CD109: variants seen among roughly 807,000 people sequenced by gnomAD.
CD109 encodes CD109 molecule.
Under a neutral mutation model 165.8 loss-of-function variants are expected in CD109, and 149 were observed. The ratio of observed to expected loss-of-function variants is 0.90; its 90% CI spans 0.79 to 1.03. The LOEUF is 1.03. Among genes scored for constraint, CD109 ranks in the 50% least tolerant of loss-of-function variants. The probability of loss-of-function intolerance (pLI) is 0.00; values close to 1 mark genes in which losing one functional copy is unlikely to be tolerated. For synonymous variants in CD109, 585 were observed against 592.1 expected (o/e 0.99, Z 0.18); for missense variants, 1,712 against 1,677.8 (o/e 1.02, Z -0.36).
intron 25 of CD109, among the ~76,000 whole-genome samples, chr6:73,807,573 G>A (rs958897367): frequency 6.6e-6 from 1 of 152,142 alleles, no homozygotes; most frequent in Non-Finnish European, 1.5e-5. Context: ...ATGCTGACGA[G>A]CTTAAGTTTG....
chr6:73,683,670 T>A, the CD109 span, among the ~76,000 whole-genome samples: 2 of 152,194 alleles, frequency 1.3e-5, no homozygotes, highest in Non-Finnish European at 2.9e-5. Flanking sequence ...GATAAAGACA[T>A]ACCCGAGACT....
At chr6:73,707,983 TA>T (rs1170806283) in intron 2 of CD109, among the ~76,000 whole-genome samples, 1 of 45,896 alleles carries the variant, frequency 2.2e-5, no homozygotes, top group Non-Finnish European at 4.8e-5. Flanking sequence ...TATATATATA[TA>T]TATATATATA....
At chr6:73,735,875 G>A (rs1374963370) in intron 4 of CD109, among the ~76,000 whole-genome samples, 1 of 152,056 alleles carries the variant, frequency 6.6e-6, no homozygotes, top group Non-Finnish European at 1.5e-5. Context: ...CACATATTGG[G>A]CCTTTAATAA....
chr6:73,788,503 C>G lies in CD109; in HGVS notation c.2592C>G (p.Ile864Met), dbSNP rs1774785085. 24 of 1,611,394 alleles carry G rather than the reference C, an allele frequency of 1.5e-5. No homozygotes were observed. Among genetic ancestry groups the G allele is most frequent in the Non-Finnish European group, 1.8e-5 (21 of 1,179,428 alleles). ...EGIEKSYSQSILLDLTDNRLQ... is the reference protein window; with the variant it reads ...EGIEKSYSQSMLLDLTDNRLQ... ...TAGAAAAATCATATTCACAATCCAT[C>G]TTATTAGACTTGACTGACAATAGGC... Residue 864 changes from isoleucine (I) to methionine (M), a missense_variant, in exon 22 of 33, where the codon ATC becomes ATG. By Grantham distance (10) the Ile-to-Met change is conservative. Transcript: ENST00000287097.
intron 15 of CD109, among the ~76,000 whole-genome samples, chr6:73,772,572 G>A (rs1470418884): frequency 6.6e-6 from 1 of 151,446 alleles, no homozygotes; most frequent in African/African-American, 2.4e-5. Context: ...GTATATTGAG[G>A]GGGTGAAATC....
chr6:73,692,197 G>A (rs1207026365), upstream of CD109, among the ~76,000 whole-genome samples: 1 of 152,056 alleles, frequency 6.6e-6, no homozygotes, highest in African/African-American at 2.4e-5. Context: ...ATCTGGGCAG[G>A]GACACAGATC....
chr6:73,791,464 T>A (rs1456692143), intron 22 of CD109, among the ~76,000 whole-genome samples: 2 of 150,260 alleles, frequency 1.3e-5, no homozygotes, highest in African/African-American at 4.9e-5. Flanking sequence ...TACACATACA[T>A]ACACACACAC....
intron 2 of CD109, among the ~76,000 whole-genome samples, chr6:73,714,083 A>T (rs540508479): frequency 1.3e-4 from 20 of 152,084 alleles, no homozygotes; most frequent in Admixed American, 7.2e-4. Flanking sequence ...AACTCTCAAT[A>T]ATGGAGGGTG....
intron 26 of CD109, among the ~76,000 whole-genome samples, chr6:73,809,219 C>T (rs1469537806): frequency 2.0e-5 from 3 of 151,976 alleles, no homozygotes; most frequent in Admixed American, 6.6e-5. Context: ...GTTGAGTTAG[C>T]TGGGGATCCT....
chr6:73,692,552 C>T (rs902613495), upstream of CD109, among the ~76,000 whole-genome samples: 5 of 152,048 alleles, frequency 3.3e-5, no homozygotes, highest in African/African-American at 9.7e-5. Context: ...CACATAAATA[C>T]ACTTTATTTT....
intron 24 of CD109, among the ~76,000 whole-genome samples, chr6:73,805,042 A>G (rs1775514186): frequency 6.6e-6 from 1 of 152,184 alleles, no homozygotes; most frequent in Non-Finnish European, 1.5e-5. Context: ...ATACTTTTAC[A>G]CTGTTGGTGG....
Position 73,824,974 on chromosome 6 carries a change from A to C in CD109, c.*1341A>C, listed in dbSNP as rs575441572. The C allele has an allele frequency of 2.0e-5, 3 of 152,310 alleles. No individual in the cohort carries two copies. The highest frequency in any genetic ancestry group is 7.2e-5 in the African/African-American group (3 of 41,574). 9.4% of individuals were successfully genotyped at this position (152,310 alleles called of 1,614,324 possible). ...TTTCACTCAAGTGGACAGGGGAAAAAGTAATTGCCATGGGCTCCAAAGAAT... is the reference window on the plus strand; with the variant it reads ...TTTCACTCAAGTGGACAGGGGAAAACGTAATTGCCATGGGCTCCAAAGAAT... On this transcript the variant is annotated 3_prime_UTR_variant, in exon 33 of 33. Transcript: ENST00000287097.
At chr6:73,744,182 G>A (rs1772895296) in intron 5 of CD109, among the ~76,000 whole-genome samples, 1 of 152,154 alleles carries the variant, frequency 6.6e-6, no homozygotes, top group Non-Finnish European at 1.5e-5. Flanking sequence ...TTAAAAAAAT[G>A]TCTGCCTCAT....
intron 2 of CD109, among the ~76,000 whole-genome samples, chr6:73,713,873 A>G (rs1396951283): frequency 6.6e-6 from 1 of 152,000 alleles, no homozygotes; most frequent in East Asian, 1.9e-4. Context: ...CTGTTTTTTT[A>G]CTTTCTCCTT....
chr6:73,689,307 T>C, the CD109 span, among the ~76,000 whole-genome samples: 2 of 152,306 alleles, frequency 1.3e-5, no homozygotes, highest in Admixed American at 6.5e-5. Context: ...GAGTTTGTGA[T>C]TGGCATCTAA....
chr6:73,814,122 G>A (rs1582203773), intron 29 of CD109, among the ~76,000 whole-genome samples: 1 of 152,056 alleles, frequency 6.6e-6, no homozygotes, highest in Non-Finnish European at 1.5e-5. Context: ...TTTTAAGTAT[G>A]CAAATCCATG....
chr6:73,745,574 C>T (rs554260558), intron 5 of CD109, among the ~76,000 whole-genome samples: 2 of 152,282 alleles, frequency 1.3e-5, no homozygotes, highest in African/African-American at 4.8e-5. Context: ...CAGATTCTGA[C>T]CACAGCAGCC....
chr6:73,742,633 A>T (rs1393642314), intron 5 of CD109, among the ~76,000 whole-genome samples: 2 of 152,192 alleles, frequency 1.3e-5, no homozygotes, highest in Non-Finnish European at 2.9e-5. Context: ...AGTCACTGAG[A>T]GATTCCTGGT....
At chr6:73,696,028 G>T, upstream of CD109, 1 of 582,604 alleles carries the variant, frequency 1.7e-6, no homozygotes, top group African/African-American at 2.0e-5. Context: ...TAATGGGGAT[G>T]GGAGGGGTGG....
Sources: gnomAD v4.1 joint callset for allele counts (sites outside exome capture counted in the v4.1 genomes callset) on GRCh38, gnomAD v4.1.1 for gene constraint, MANE v1.5 for transcripts, NCBI Gene and HGNC (gene_info 2026-07-23, HGNC 2026-07-21) for gene names.